The following MEF2A variants were observed in gnomAD, a reference collection of about 807,000 sequenced individuals.
The protein encoded by MEF2A is myocyte enhancer factor 2A, also known as myocyte-specific enhancer factor 2A.
MEF2A carries 28 observed loss-of-function variants against 55.8 expected under a neutral mutation model. The observed-to-expected ratio is 0.50, with a 90% CI of 0.37 to 0.69. The LOEUF (loss-of-function observed/expected upper bound fraction) is 0.69, where lower values mean the gene tolerates loss of function less well. MEF2A is among the 30% of genes least tolerant of loss of function. The pLI is 0.00. For synonymous variants in MEF2A, 239 were observed against 227.1 expected (o/e 1.05, Z -0.47); for missense variants, 528 against 626.2 (o/e 0.84, Z 1.67).
chr15:99,587,882 G>A (rs1165249670), intron 1 of MEF2A, among the ~76,000 whole-genome samples: 1 of 151,958 alleles, frequency 6.6e-6, no homozygotes, highest in African/African-American at 2.4e-5. Flanking sequence ...AATAGAACCT[G>A]TTTTAATTCT....
In MEF2A at chr15:99,706,766, C is replaced by T; in HGVS notation, c.920C>T (p.Pro307Leu). 1 of 1,613,882 alleles carries T rather than the reference C, an allele frequency of 6.2e-7. No individual in the cohort carries two copies. The highest frequency in any genetic ancestry group is 8.5e-7 in the Non-Finnish European group (1 of 1,179,782). Reference sequence around the variant, plus strand: ...ATCAGTAGTTCTCAAGCCACTCAACCTCTTGCTACCCCAGTCGTGTCTGTG... The same window carrying T: ...ATCAGTAGTTCTCAAGCCACTCAACTTCTTGCTACCCCAGTCGTGTCTGTG... ...QRISSSQATQ[P>L]LATPVVSVTT... Residue 307 changes from proline to leucine, a missense_variant, in exon 10 of 12, where the codon CCT becomes CTT. Around this residue, in one of 2 missense-constraint regions of MEF2A, gnomAD observed 450 missense variants for 475.3 expected, o/e 0.95. Transcript: ENST00000557942.
In MEF2A at chr15:99,706,742, TCAG is replaced by T; in HGVS notation, c.897_899del (p.Ser302del). 6.2e-7 allele frequency: 1 copy of T among 1,613,316 alleles called. No homozygotes were observed. Among genetic ancestry groups the T allele is most frequent in the Non-Finnish European group, 8.5e-7 (1 of 1,179,296 alleles). On this transcript the variant is annotated inframe_deletion, in exon 10 of 12. Transcript: ENST00000557942. ...TTGATCTCACAGAATACCCAGAGGA[TCAG>T]TAGTTCTCAAGCCACTCAACCTCTT...
chr15:99,576,296 A>G (rs1964239148), intron 1 of MEF2A, among the ~76,000 whole-genome samples: 1 of 152,334 alleles, frequency 6.6e-6, no homozygotes, highest in African/African-American at 2.4e-5. Context: ...AACAATTTAA[A>G]TAACTACTTT....
In MEF2A at chr15:99,567,627, C is replaced by CTGTGTGTGTG. The variant is rs370539645; in HGVS notation, c.-225+1551_-225+1560dup. Among the ~76,000 whole-genome samples, 1,287 of 143,836 alleles carry CTGTGTGTGTG rather than the reference C, an allele frequency of 8.9e-3. 15 individuals are homozygous for CTGTGTGTGTG. The highest frequency in any genetic ancestry group is 0.047 in the East Asian group (232 of 4,932). 94.4% of individuals were successfully genotyped at this position (143,836 alleles called of 152,430 possible). A position where few individuals can be genotyped will look rare whatever the true frequency, so the allele number is the denominator to read the frequency against. On this transcript the variant is annotated intron_variant, in intron 1 of 11. Transcript: ENST00000557942. ...TGTGCCTTTATGGCTTTTGTATGTA[C>CTGTGTGTGTG]TGTGTGTGTGTGTGTGTGTGTGTGT...
upstream of MEF2A, chr15:99,565,619 T>A (rs1299659656): frequency 6.6e-6 from 1 of 151,734 alleles, no homozygotes; most frequent in Non-Finnish European, 1.5e-5. Flanking sequence ...GAAAGCGAGC[T>A]CCAACCCGCG....
chr15:99,668,931 A>C (rs1327960050), intron 4 of MEF2A, among the ~76,000 whole-genome samples: 1 of 152,190 alleles, frequency 6.6e-6, no homozygotes, highest in Non-Finnish European at 1.5e-5. Flanking sequence ...AAACAGAGGT[A>C]CATTAGCTTA....
intron 3 of MEF2A, among the ~76,000 whole-genome samples, chr15:99,644,404 T>C (rs972670040): frequency 4.6e-5 from 7 of 152,236 alleles, no homozygotes; most frequent in Admixed American, 4.6e-4. Context: ...AATTTTGTTG[T>C]TGTTTTGCTT....
At chr15:99,616,661 A>G (rs1373015285) in intron 2 of MEF2A, among the ~76,000 whole-genome samples, 1 of 151,996 alleles carries the variant, frequency 6.6e-6, no homozygotes, top group Non-Finnish European at 1.5e-5. Context: ...ATTTAGTCTT[A>G]GGTATATACT....
At chr15:99,592,029 A>G (rs1369793459) in intron 1 of MEF2A, among the ~76,000 whole-genome samples, 1 of 152,146 alleles carries the variant, frequency 6.6e-6, no homozygotes, top group Admixed American at 6.6e-5. Flanking sequence ...ACTCCTGGAC[A>G]TTCATCACAC....
chr15:99,639,460 T>G (rs909904993), intron 3 of MEF2A, among the ~76,000 whole-genome samples: 11 of 152,232 alleles, frequency 7.2e-5, no homozygotes, highest in Admixed American at 6.5e-5. Context: ...ATAAATATTC[T>G]TAATTCATCA....
chr15:99,712,326 G>GT lies in MEF2A; in HGVS notation c.1137-63dup. The GT allele has an allele frequency of 6.8e-7, 1 of 1,473,774 alleles. No individual in the cohort carries two copies. The highest frequency in any genetic ancestry group is 2.5e-5 in the East Asian group (1 of 40,244). The allele number at this position is 1,473,774 out of a possible 1,614,324, so 91.3% of individuals were successfully genotyped here. Reference sequence around the variant, plus strand: ...TTTTCCATCAGGCAGTGTCTCTACTGTATCATCCCAGTTTTGCAGAGGTAC... The same window carrying GT: ...TTTTCCATCAGGCAGTGTCTCTACTGTTATCATCCCAGTTTTGCAGAGGTAC... On this transcript the variant is annotated intron_variant, in intron 11 of 11. Coordinates refer to ENST00000557942, the MANE Select transcript of MEF2A (RefSeq NM_001319206.4). The surrounding 1 kb of genome is among the most constrained non-coding windows in gnomAD (Gnocchi z 4.1).
intron 1 of MEF2A, among the ~76,000 whole-genome samples, chr15:99,577,053 G>A (rs185998700): frequency 1.5e-3 from 222 of 152,272 alleles, no homozygotes; most frequent in African/African-American, 5.2e-3. Context: ...CTGTTATACT[G>A]TTTCGTTCAT....
intron 2 of MEF2A, among the ~76,000 whole-genome samples, chr15:99,607,862 A>C (rs1258513162): frequency 2.0e-5 from 3 of 152,204 alleles, no homozygotes; most frequent in African/African-American, 7.2e-5. Context: ...TCTCCTTTCT[A>C]ATGATTTTCG....
At chr15:99,640,777 G>C (rs1464137354) in intron 3 of MEF2A, among the ~76,000 whole-genome samples, 1 of 151,948 alleles carries the variant, frequency 6.6e-6, no homozygotes, top group Admixed American at 6.6e-5. Flanking sequence ...TTGAACTCCT[G>C]AGCTCAAGTG....
chr15:99,711,177 T>TC (rs1322759287), intron 11 of MEF2A, among the ~76,000 whole-genome samples: 1 of 152,042 alleles, frequency 6.6e-6, no homozygotes, highest in Non-Finnish European at 1.5e-5. Context: ...CATTCAGGCC[T>TC]CCCTGCCACC....
chr15:99,587,899 C>T (rs1190642709), intron 1 of MEF2A, among the ~76,000 whole-genome samples: 1 of 151,898 alleles, frequency 6.6e-6, no homozygotes, highest in Non-Finnish European at 1.5e-5. Context: ...TTCTTCCTTT[C>T]CAATCTGGAT....
At chr15:99,644,370 T>A (rs1481029258) in intron 3 of MEF2A, among the ~76,000 whole-genome samples, 3 of 152,208 alleles carry the variant, frequency 2.0e-5, no homozygotes, top group African/African-American at 7.2e-5. Context: ...TACAGAAACA[T>A]CATTGAATTG....
chr15:99,627,458 T>C (rs1377503417), intron 2 of MEF2A, among the ~76,000 whole-genome samples: 1 of 142,770 alleles, frequency 7.0e-6, no homozygotes, highest in African/African-American at 2.6e-5. Flanking sequence ...AAAGACTTGC[T>C]ATAATTGTAG....
At chr15:99,606,105 C>T (rs900425433) in intron 2 of MEF2A, among the ~76,000 whole-genome samples, 1 of 152,096 alleles carries the variant, frequency 6.6e-6, no homozygotes, top group South Asian at 2.1e-4. Flanking sequence ...GAAAAGGGTT[C>T]ACATGTACAC....
Sources: gnomAD v4.1 joint callset for allele counts (sites outside exome capture counted in the v4.1 genomes callset) on GRCh38, gnomAD v4.1.1 for gene constraint, gnomAD v4.1.1 regional missense constraint, Gnocchi (gnomAD v3.1) non-coding constraint, MANE v1.5 for transcripts, NCBI Gene and HGNC (gene_info 2026-07-23, HGNC 2026-07-21) for gene names.